NPAS3: variants seen among roughly 807,000 people sequenced by gnomAD.
NPAS3 encodes neuronal PAS domain protein 3.
In NPAS3, 14 loss-of-function variants were observed where a neutral mutation model predicts 73.1. That is an observed-to-expected ratio of 0.19 (90% CI 0.13 to 0.30). The LOEUF is 0.30. Ranked by LOEUF, NPAS3 falls within the 10% of genes least tolerant of loss-of-function variation. The pLI is 1.00. For synonymous variants in NPAS3, 620 were observed against 541.5 expected, an observed-to-expected ratio of 1.14 and a Z score of -2.01; for missense variants, 1,096 against 1,250.0, an observed-to-expected ratio of 0.88 and a Z score of 1.86.
intron 3 of NPAS3, among the ~76,000 whole-genome samples, chr14:33,253,956 A>G (rs1163605161): frequency 6.6e-6 from 1 of 152,126 alleles, no homozygotes; most frequent in African/African-American, 2.4e-5. Context: ...CTAGCTAAGT[A>G]GAAGAAATCA....
intron 6 of NPAS3, among the ~76,000 whole-genome samples, chr14:33,687,548 T>C (rs187893264): frequency 5.3e-4 from 80 of 152,290 alleles, no homozygotes; most frequent in African/African-American, 1.9e-3. Context: ...CAGAGGGAAA[T>C]CAAAAGTGTC....
intron 5 of NPAS3, among the ~76,000 whole-genome samples, chr14:33,582,788 A>G (rs2056717678): frequency 1.3e-5 from 2 of 152,198 alleles, no homozygotes; most frequent in South Asian, 2.1e-4. Flanking sequence ...TATGTATGCT[A>G]TAACTAATGG....
intron 6 of NPAS3, among the ~76,000 whole-genome samples, chr14:33,696,459 C>A (rs1321497702): frequency 6.6e-6 from 1 of 152,200 alleles, no homozygotes; most frequent in Non-Finnish European, 1.5e-5. Flanking sequence ...GAGAGTGCTT[C>A]ATGAAAACAT....
chr14:33,799,817 G>C, exon 12 of NPAS3: 1 of 1,613,916 alleles, frequency 6.2e-7, no homozygotes, highest in Non-Finnish European at 8.5e-7. Context: ...GAAGAAGTCG[G>C]GCAACGCGTG....
Position 33,154,915 on chromosome 14 carries a change from A to G in NPAS3, c.141-60267A>G, listed in dbSNP as rs574590063. On this transcript the variant is annotated intron_variant, in intron 2 of 11. Transcript: ENST00000356141. ...TACCTAGAGTTTTACTTTTCCATGCAGTTGATTTGCGTTTTTGGTAAAGAT... is the reference window on the plus strand; with the variant it reads ...TACCTAGAGTTTTACTTTTCCATGCGGTTGATTTGCGTTTTTGGTAAAGAT... Among the ~76,000 whole-genome samples the G allele has an allele frequency of 5.9e-5, 9 of 152,310 alleles. 1 individual carries two copies. Among genetic ancestry groups the G allele is most frequent in the African/African-American group, 2.2e-4 (9 of 41,570 alleles).
At chr14:33,445,764 C>A (rs538519332) in intron 4 of NPAS3, among the ~76,000 whole-genome samples, 2 of 152,244 alleles carry the variant, frequency 1.3e-5, no homozygotes, top group Admixed American at 6.5e-5. Flanking sequence ...GGTTCAGTGG[C>A]ATATCATTTT....
chr14:33,730,073 C>A (rs1405984206), intron 6 of NPAS3, among the ~76,000 whole-genome samples: 1 of 151,942 alleles, frequency 6.6e-6, no homozygotes, highest in Non-Finnish European at 1.5e-5. Context: ...ATAATATACC[C>A]AGAATAAAGA....
chr14:33,771,630 T>G (rs28760374), intron 7 of NPAS3, among the ~76,000 whole-genome samples: 62,514 of 151,720 alleles, frequency 0.41, 13,343 homozygotes, highest in East Asian at 0.68. Context: ...GCTAACATGG[T>G]GAAACCCCGT....
chr14:33,291,904 G>A (rs1197902945), intron 3 of NPAS3, among the ~76,000 whole-genome samples: 1 of 152,192 alleles, frequency 6.6e-6, no homozygotes, highest in African/African-American at 2.4e-5. Context: ...AAATAGCCAG[G>A]GGATCAAAGC....
At chr14:33,233,610 G>A (rs1301891669) in intron 3 of NPAS3, among the ~76,000 whole-genome samples, 1 of 152,084 alleles carries the variant, frequency 6.6e-6, no homozygotes, top group African/African-American at 2.4e-5. Context: ...TAAACATACT[G>A]AGTTAATTAT....
At chr14:33,333,313 G>T (rs535506873) in intron 3 of NPAS3, among the ~76,000 whole-genome samples, 14 of 152,208 alleles carry the variant, frequency 9.2e-5, no homozygotes, top group African/African-American at 3.4e-4. Flanking sequence ...TTGTGCAGTT[G>T]CCCTGGAATT....
chr14:33,124,797 T>C (rs1199860848), intron 2 of NPAS3, among the ~76,000 whole-genome samples: 1 of 152,088 alleles, frequency 6.6e-6, no homozygotes, highest in African/African-American at 2.4e-5. Context: ...ATAAGAAAGA[T>C]GTTTAAACAT....
chr14:33,745,659 G>A (rs765255684), intron 7 of NPAS3, among the ~76,000 whole-genome samples: 3 of 152,158 alleles, frequency 2.0e-5, no homozygotes, highest in Non-Finnish European at 2.9e-5. Context: ...AGATGCACCT[G>A]TACCTATGAA....
intron 1 of NPAS3, among the ~76,000 whole-genome samples, chr14:33,032,628 T>C (rs991231609): frequency 2.0e-5 from 3 of 152,200 alleles, no homozygotes; most frequent in Admixed American, 6.5e-5. Context: ...CTCCACTCTA[T>C]GGATGCGCTA....
chr14:33,702,716 G>A (rs980550159), intron 6 of NPAS3, among the ~76,000 whole-genome samples: 6 of 152,130 alleles, frequency 3.9e-5, no homozygotes, highest in African/African-American at 1.4e-4. Context: ...AAGGGGAGAG[G>A]GTGGGAGGGC....
At chr14:33,620,403 C>A (rs1318214282) in intron 5 of NPAS3, among the ~76,000 whole-genome samples, 1 of 152,116 alleles carries the variant, frequency 6.6e-6, no homozygotes, top group African/African-American at 2.4e-5. Context: ...ACCCTTCATT[C>A]CCTCACTTCT....
intron 5 of NPAS3, among the ~76,000 whole-genome samples, chr14:33,651,128 G>A (rs1366118820): frequency 6.6e-6 from 1 of 152,170 alleles, no homozygotes; most frequent in Non-Finnish European, 1.5e-5. Flanking sequence ...TGTTCACAAG[G>A]CCCGTGCAGA....
At chr14:33,719,077 G>C (rs553620887) in intron 6 of NPAS3, among the ~76,000 whole-genome samples, 1 of 152,114 alleles carries the variant, frequency 6.6e-6, no homozygotes, top group Non-Finnish European at 1.5e-5. Flanking sequence ...GCAGTGAGCC[G>C]TGTTCACACC....
In NPAS3 at chr14:33,227,432, A is replaced by T. The variant is rs142555324; in HGVS notation, c.385+12006A>T. 9.3e-4 allele frequency among the ~76,000 whole-genome samples: 142 copies of T among 152,314 alleles called. 1 individual carries two copies. Among genetic ancestry groups the T allele is most frequent in the East Asian group, 5.4e-3 (28 of 5,186 alleles). On this transcript the variant is annotated intron_variant, in intron 3 of 11. Coordinates refer to ENST00000356141, the Ensembl canonical transcript of NPAS3. ...CTAGGGTGTCTTAGTTTGGACTGCT[A>T]TAACAGAATACTATAGATGGATTGG...
Sources: allele counts gnomAD v4.1 joint callset (sites outside exome capture counted in the v4.1 genomes callset), GRCh38; gene constraint gnomAD v4.1.1; transcripts MANE v1.5; gene names NCBI Gene and HGNC (gene_info 2026-07-23, HGNC 2026-07-21).